Variants in LYPD6B observed in about 807,000 individuals in gnomAD.
LYPD6B encodes LY6/PLAUR domain containing 6B, also known as ly6/PLAUR domain-containing protein 6B.
A neutral mutation model predicts 22.8 loss-of-function variants in LYPD6B; 17 were observed. The ratio of observed to expected loss-of-function variants is 0.75; its 90% CI spans 0.51 to 1.12. The LOEUF is 1.12. Among genes scored for constraint, LYPD6B ranks in the 50% most tolerant of loss-of-function variants. LYPD6B has a pLI of 0.00. For synonymous variants in LYPD6B, 106 were observed against 91.6 expected (o/e 1.16, Z -0.90); for missense variants, 221 against 258.3 (o/e 0.86, Z 0.99).
rs147974072 is a variant in LYPD6B at position 149,210,554 on chromosome 2, C to T, written c.328+2142C>T. 3.3e-4 allele frequency among the ~76,000 whole-genome samples: 51 copies of T among 152,318 alleles called. No individual in the cohort carries two copies. The East Asian group carries it at 8.9e-3, about 27-fold the overall frequency. On this transcript the variant is annotated intron_variant, in intron 5 of 6. Coordinates refer to ENST00000409642, the MANE Select transcript of LYPD6B (RefSeq NM_177964.5). Reference sequence around the variant, plus strand: ...CCATTTCTCGGGGCAAATAGGCCTACGGCTATTGTTCTTTGTCATCTCAGA... The same window carrying T: ...CCATTTCTCGGGGCAAATAGGCCTATGGCTATTGTTCTTTGTCATCTCAGA...
intron 1 of LYPD6B, chr2:149,068,796 C>G (rs1311462845): frequency 4.3e-6 from 2 of 468,908 alleles, no homozygotes; most frequent in Admixed American, 4.4e-5. Flanking sequence ...AACAAAGGCT[C>G]GATCATTTTG....
At chr2:149,076,650 GA>G (rs1684890523) in intron 1 of LYPD6B, among the ~76,000 whole-genome samples, 1 of 152,096 alleles carries the variant, frequency 6.6e-6, no homozygotes, top group East Asian at 1.9e-4. Flanking sequence ...AAAATTCTGT[GA>G]AAAAAAGACA....
intron 1 of LYPD6B, among the ~76,000 whole-genome samples, chr2:149,122,777 A>C (rs6720513): frequency 0.39 from 59,553 of 151,830 alleles, 11,970 homozygotes; most frequent in African/African-American, 0.47. Flanking sequence ...CTGAACATTT[A>C]TGGACTTTGG....
intron 3 of LYPD6B, among the ~76,000 whole-genome samples, chr2:149,198,126 C>G (rs1163395047): frequency 6.6e-6 from 1 of 151,760 alleles, no homozygotes; most frequent in Non-Finnish European, 1.5e-5. Flanking sequence ...CACTGCAATC[C>G]CCGCCTCCTA....
intron 2 of LYPD6B, among the ~76,000 whole-genome samples, chr2:149,145,227 A>G (rs1283932027): frequency 1.3e-5 from 2 of 152,318 alleles, no homozygotes; most frequent in African/African-American, 4.8e-5. Flanking sequence ...GTCCAGGTCA[A>G]ATTTCCAATA....
rs1358721684 is a variant in LYPD6B at position 149,089,202 on chromosome 2, CA to C, written c.-66-41678del. On this transcript the variant is annotated intron_variant, in intron 1 of 6. Coordinates refer to ENST00000409642, the MANE Select transcript of LYPD6B (RefSeq NM_177964.5). ...TGTGGTGGAACATGAAAGAGTGTTT[CA>C]AACATGGATGAACATTCCAGGAAAT... Among the ~76,000 whole-genome samples the C allele has an allele frequency of 2.0e-5, 3 of 152,216 alleles. No individual in the cohort carries two copies. In the East Asian group the frequency reaches 5.8e-4, roughly 29 times the overall value.
At chr2:149,083,672 T>G (rs1387091866) in intron 1 of LYPD6B, among the ~76,000 whole-genome samples, 1 of 152,182 alleles carries the variant, frequency 6.6e-6, no homozygotes, top group Non-Finnish European at 1.5e-5. Context: ...GTTAAACATT[T>G]TTTGCCAAAG....
intron 1 of LYPD6B, among the ~76,000 whole-genome samples, chr2:149,107,913 T>G (rs1686556096): frequency 2.6e-5 from 4 of 152,220 alleles, no homozygotes; most frequent in Admixed American, 2.6e-4. Context: ...CTAATTGTTT[T>G]TCTACTTGTT....
intron 3 of LYPD6B, among the ~76,000 whole-genome samples, chr2:149,168,089 A>G (rs1294412478): frequency 1.3e-5 from 2 of 151,668 alleles, no homozygotes; most frequent in African/African-American, 4.8e-5. Context: ...ATTTGCCTGT[A>G]GTCTCAGCTA....
intron 1 of LYPD6B, among the ~76,000 whole-genome samples, chr2:149,108,127 A>C (rs9798325): frequency 6.6e-6 from 1 of 151,934 alleles, no homozygotes; most frequent in African/African-American, 2.4e-5. Flanking sequence ...TAAGTCTCAC[A>C]AGATCTGATG....
At chr2:149,150,676 C>T (rs1689309191) in intron 2 of LYPD6B, among the ~76,000 whole-genome samples, 1 of 152,084 alleles carries the variant, frequency 6.6e-6, no homozygotes, top group South Asian at 2.1e-4. Flanking sequence ...ATTCATTTTG[C>T]TGGGCCTTCT....
At chr2:149,074,663 A>C (rs1684798769) in intron 1 of LYPD6B, among the ~76,000 whole-genome samples, 1 of 152,240 alleles carries the variant, frequency 6.6e-6, no homozygotes, top group Non-Finnish European at 1.5e-5. Context: ...GAAGGTAGCT[A>C]AATGAAGGGA....
chr2:149,139,491 A>G (rs1688559291), intron 2 of LYPD6B, among the ~76,000 whole-genome samples: 1 of 152,266 alleles, frequency 6.6e-6, no homozygotes, highest in South Asian at 2.1e-4. Flanking sequence ...TTTTAGGTAA[A>G]GGCTGTAAGC....
intron 1 of LYPD6B, among the ~76,000 whole-genome samples, chr2:149,045,756 G>T (rs1683278485): frequency 6.6e-6 from 1 of 151,982 alleles, no homozygotes; most frequent in Non-Finnish European, 1.5e-5. Context: ...CCTAGAATAT[G>T]ACTTGCATGA....
At chr2:149,168,108 G>A (rs1232506406) in intron 3 of LYPD6B, among the ~76,000 whole-genome samples, 1 of 151,428 alleles carries the variant, frequency 6.6e-6, no homozygotes, top group Non-Finnish European at 1.5e-5. Context: ...TACTCAGGAG[G>A]CTGAGGCAGG....
At chr2:149,083,901 C>T (rs1685255620) in intron 1 of LYPD6B, among the ~76,000 whole-genome samples, 1 of 151,738 alleles carries the variant, frequency 6.6e-6, no homozygotes, top group Admixed American at 6.6e-5. Flanking sequence ...ACGGTGAAAC[C>T]CTGTGTCTAC....
intron 2 of LYPD6B, among the ~76,000 whole-genome samples, chr2:149,159,814 CT>C (rs905570876): frequency 3.3e-5 from 5 of 152,080 alleles, no homozygotes; most frequent in African/African-American, 9.7e-5. Context: ...GGACCTCAGT[CT>C]TTTTTCTTAA....
chr2:149,142,030 G>A (rs767103298), intron 2 of LYPD6B: 9 of 152,190 alleles, frequency 5.9e-5, no homozygotes, highest in Non-Finnish European at 1.0e-4. Context: ...ATAACATCGA[G>A]ACTTGGTCTG....
chr2:149,173,193 A>AC (rs1690974582), intron 3 of LYPD6B, among the ~76,000 whole-genome samples: 3 of 151,428 alleles, frequency 2.0e-5, no homozygotes, highest in Admixed American at 2.0e-4. Flanking sequence ...TTTTTTTAAA[A>AC]AAAGACATGG....
Sources: gnomAD v4.1 joint callset for allele counts (sites outside exome capture counted in the v4.1 genomes callset) on GRCh38, gnomAD v4.1.1 for gene constraint, MANE v1.5 for transcripts, NCBI Gene and HGNC (gene_info 2026-07-23, HGNC 2026-07-21) for gene names.